CMTM1: variants seen among roughly 807,000 people sequenced by gnomAD.
CMTM1 encodes the protein CKLF-like MARVEL transmembrane domain-containing protein 1.
CMTM1 carries 16 observed loss-of-function variants against 17.8 expected under a neutral mutation model. The observed-to-expected ratio is 0.90, with a 90% CI of 0.61 to 1.37. CMTM1 has a LOEUF of 1.37. Among genes scored for constraint, CMTM1 ranks in the 40% most tolerant of loss-of-function variants. CMTM1 has a pLI of 0.00. For missense variants in CMTM1, 354 were observed against 375.6 expected (o/e 0.94, Z 0.47); for synonymous variants, 169 against 154.6 (o/e 1.09, Z -0.69).
rs7188454 is a variant in CMTM1, at chr16:66,574,897, C to T, written c.592-2207C>T. On this transcript the variant is annotated intron_variant, in intron 2 of 3. Transcript: ENST00000379500. ...TACTCTGCTTCTCAGTTGTAAGAAT[C>T]CTTGTTCACATCTTTGACTACCTTG... The T allele has an allele frequency of 0.011, 10,173 of 936,544 alleles. 786 individuals carry two copies. The African/African-American group carries it at 0.16, about 15-fold the overall frequency. The allele number at this position is 936,544 out of a possible 1,614,324, so 58.0% of individuals were successfully genotyped here.
rs1340917162 is a variant in CMTM1 at position 66,577,122 on chromosome 16, A to G, written c.610A>G (p.Ile204Val). 2 of 1,613,790 alleles carry G rather than the reference A, an allele frequency of 1.2e-6. No homozygotes were observed. The highest frequency in any genetic ancestry group is 3.3e-4 in the Middle Eastern group (2 of 6,058). The change falls in exon 3 of 4, where the codon ATT (isoleucine) becomes GTT (valine). Residue 204 changes from isoleucine (I) to valine (V), a missense_variant. By Grantham distance (29) the Ile-to-Val change is conservative. Transcript: ENST00000379500. ...ATTACAGGATCTTACCAACAGTATC[A>G]TTACAGCTGTGTTCCTTTCAGTAGT... Reference protein sequence around the residue: ...WPLLDLTNSIITAVFLSVVAI... With the variant: ...WPLLDLTNSIVTAVFLSVVAI...
intron 2 of CMTM1, among the ~76,000 whole-genome samples, chr16:66,574,422 T>G (rs190064304): frequency 7.8e-4 from 119 of 152,364 alleles, no homozygotes; most frequent in Non-Finnish European, 9.0e-4. Context: ...AGCCACTTAC[T>G]GGCTGAACAA....
chr16:66,574,122 A>G (rs1268404007), intron 2 of CMTM1, among the ~76,000 whole-genome samples: 3 of 152,178 alleles, frequency 2.0e-5, no homozygotes, highest in Non-Finnish European at 4.4e-5. Flanking sequence ...AGCTTTATGG[A>G]AAAATTGTCA....
At chr16:66,577,077 T>G in intron 2 of CMTM1, 27 bp from the exon 3 acceptor site, 1 of 1,587,962 alleles carries the variant, frequency 6.3e-7, no homozygotes, top group Non-Finnish European at 8.6e-7. Flanking sequence ...TTGTGTAAAC[T>G]TGATAATTTT....
Position 66,570,048 on chromosome 16 carries a change from T to G in CMTM1, c.545T>G (p.Val182Gly), listed in dbSNP as rs1006810418. 1 of 1,611,752 alleles carries G rather than the reference T, an allele frequency of 6.2e-7. No homozygotes were observed. Among genetic ancestry groups the G allele is most frequent in the Non-Finnish European group, 8.5e-7 (1 of 1,179,028 alleles). ...CIVVFFILIY[V>G]LTLHHLLTYL... ...GTCGTTTTTTTTATTCTAATATATG[T>G]GCTAACCCTTCACCACTTGCTGACC... The change falls in exon 2 of 4, where the codon GTG becomes GGG. Residue 182 changes from valine (V) to glycine (G), a missense_variant. Val to Gly is a moderately radical substitution (Grantham distance 109). Coordinates refer to ENST00000379500, the MANE Select transcript of CMTM1 (RefSeq NM_052999.4).
intron 1 of CMTM1, chr16:66,567,168 TTTA>T (rs2012627812): frequency 1.6e-6 from 1 of 629,252 alleles, no homozygotes; most frequent in African/African-American, 1.9e-5. Flanking sequence ...TTTTTTTTTT[TTTA>T]TTATACTTTA....
chr16:66,571,089 T>G (rs1482658515), intron 2 of CMTM1: 1 of 446,594 alleles, frequency 2.2e-6, no homozygotes, highest in Non-Finnish European at 4.5e-6. Flanking sequence ...TGTCTTCAAA[T>G]CTGTGAGAGA....
intron 2 of CMTM1, among the ~76,000 whole-genome samples, chr16:66,574,557 T>C (rs1236604589): frequency 6.6e-6 from 1 of 152,182 alleles, no homozygotes; most frequent in African/African-American, 2.4e-5. Flanking sequence ...CTAGCTACAA[T>C]AGAAATGTTA....
chr16:66,567,354 T>G, intron 1 of CMTM1: 1 of 306,676 alleles, frequency 3.3e-6, no homozygotes, highest in Non-Finnish European at 6.3e-6. Context: ...CCCCTCCCTG[T>G]GTCCATGTGT....
chr16:66,577,593 C>G (rs2014399637), intron 3 of CMTM1, among the ~76,000 whole-genome samples: 1 of 151,982 alleles, frequency 6.6e-6, no homozygotes, highest in African/African-American at 2.4e-5. Flanking sequence ...GTGAGGAATC[C>G]AGCCTATTCA....
chr16:66,567,147 A>ATTTTT, intron 1 of CMTM1: 1 of 562,718 alleles, frequency 1.8e-6, no homozygotes. Context: ...TTTTTTCCCT[A>ATTTTT]TTTTTTCTTT....
intron 2 of CMTM1, among the ~76,000 whole-genome samples, chr16:66,574,014 GTT>G (rs149161047): frequency 1.8e-4 from 25 of 140,812 alleles, no homozygotes; most frequent in Admixed American, 1.1e-3. Flanking sequence ...AATATTCAGT[GTT>G]TTTTTTTTTT....
intron 1 of CMTM1, among the ~76,000 whole-genome samples, chr16:66,568,339 TAGG>T (rs2012925087): frequency 1.3e-5 from 2 of 152,150 alleles, no homozygotes; most frequent in Admixed American, 1.3e-4. Context: ...TATAAAAAAT[TAGG>T]AGATTATGTC....
chr16:66,574,143 C>G (rs901070788), intron 2 of CMTM1, among the ~76,000 whole-genome samples: 5 of 152,040 alleles, frequency 3.3e-5, no homozygotes, highest in Non-Finnish European at 7.4e-5. Context: ...AGAAAAAACA[C>G]ATTTCTCATT....
At position 66,566,630 on chromosome 16, in the gene CMTM1, G is replaced by A; in HGVS notation, c.117G>A (p.Lys39=). 1 of 1,614,058 alleles carries A rather than the reference G, an allele frequency of 6.2e-7. No individual in the cohort carries two copies. Among genetic ancestry groups the A allele is most frequent in the South Asian group, 1.1e-5 (1 of 91,082 alleles). Residue 39 remains lysine, a synonymous_variant, in exon 1 of 4, where the codon AAG becomes AAA. Transcript: ENST00000379500. This position sits in a 1 kb window ranked among gnomAD's most constrained non-coding sequence, Gnocchi z 4.9. ...GCAGCGTAGTGAGTTCTGTACCCAA[G>A]GCACAGCGCAACATCTCAGCGAAGA... ...SSGSVVSSVP[K]AQRNISAKTA...
chr16:66,567,131 G>A (rs1338222566), intron 1 of CMTM1, 186 bp downstream of exon 1: 1 of 656,888 alleles, frequency 1.5e-6, no homozygotes, highest in Non-Finnish European at 2.6e-6. Context: ...TACTAAACTT[G>A]CCTCTTTTTT....
chr16:66,573,993 A>G (rs1030572182), intron 2 of CMTM1, among the ~76,000 whole-genome samples: 4 of 149,992 alleles, frequency 2.7e-5, no homozygotes, highest in African/African-American at 7.3e-5. Flanking sequence ...GGCCTGTTTA[A>G]CTTTTTTCCT....
At chr16:66,568,849 G>A (rs1346281731) in intron 1 of CMTM1, among the ~76,000 whole-genome samples, 1 of 149,848 alleles carries the variant, frequency 6.7e-6, no homozygotes, top group Non-Finnish European at 1.5e-5. Flanking sequence ...TCACACCACT[G>A]CACTCCAGCC....
chr16:66,575,786 G>A (rs1355399749), intron 2 of CMTM1, among the ~76,000 whole-genome samples: 1 of 152,230 alleles, frequency 6.6e-6, no homozygotes, highest in Admixed American at 6.5e-5. Flanking sequence ...GTGATTCCAT[G>A]ATACCATACA....
Sources: allele counts gnomAD v4.1 joint callset (sites outside exome capture counted in the v4.1 genomes callset), GRCh38; gene constraint gnomAD v4.1.1; non-coding constraint Gnocchi (gnomAD v3.1); transcripts MANE v1.5; gene names NCBI Gene and HGNC (gene_info 2026-07-23, HGNC 2026-07-21).